The following GNB1L variants were observed in gnomAD, a reference collection of about 807,000 sequenced individuals.
GNB1L encodes the protein G protein subunit beta 1 like.
Under a neutral mutation model 29.1 loss-of-function variants are expected in GNB1L, and 20 were observed. That is an observed-to-expected ratio of 0.69 (90% CI 0.48 to 1.00). The LOEUF (loss-of-function observed/expected upper bound fraction) is 1.00. Ranked by LOEUF, GNB1L falls within the 50% of genes least tolerant of loss-of-function variation. GNB1L has a pLI of 0.00. For missense variants in GNB1L, 421 were observed against 464.9 expected (o/e 0.91, Z 0.87); for synonymous variants, 193 against 206.5 (o/e 0.93, Z 0.56).
Position 19,811,066 on chromosome 22 carries a change from C to T in GNB1L, c.417+1219G>A, listed in dbSNP as rs144781983. ...CTGTGGGTCTGTAGACCTTGGGTCCCGGGGGAGGAAGCACGCCCCTCTTTC... is the reference window on the plus strand; with the variant it reads ...CTGTGGGTCTGTAGACCTTGGGTCCTGGGGGAGGAAGCACGCCCCTCTTTC... On this transcript the variant is annotated intron_variant, in intron 5 of 7. Transcript: ENST00000329517. 1.2e-3 allele frequency among the ~76,000 whole-genome samples: 190 copies of T among 152,276 alleles called. 6 individuals carry two copies. In the East Asian group the frequency reaches 0.026, roughly 21 times the overall value.
chr22:19,813,244 A>G (rs1937513413), intron 4 of GNB1L, among the ~76,000 whole-genome samples: 1 of 152,230 alleles, frequency 6.6e-6, no homozygotes, highest in South Asian at 2.1e-4. Flanking sequence ...AGCAATGACC[A>G]CACCTAACCC....
chr22:19,799,530 G>A (rs758617600), intron 7 of GNB1L, among the ~76,000 whole-genome samples: 18 of 152,222 alleles, frequency 1.2e-4, no homozygotes, highest in Non-Finnish European at 2.2e-4. Flanking sequence ...CCAGGAATGC[G>A]TGGTGCGGCG....
intron 2 of GNB1L, chr22:19,848,319 T>C: frequency 1.0e-6 from 1 of 985,434 alleles, no homozygotes; most frequent in South Asian, 4.7e-5. Flanking sequence ...CCTGCCAGGC[T>C]CTGCAGCTCC....
In GNB1L at chr22:19,816,536, T is replaced by C. The variant is rs1937524880; in HGVS notation, c.254+4062A>G. Among the ~76,000 whole-genome samples the C allele has an allele frequency of 6.6e-6, 1 of 151,954 alleles. No homozygotes were observed. Among genetic ancestry groups the C allele is most frequent in the Non-Finnish European group, 1.5e-5 (1 of 67,964 alleles). On this transcript the variant is annotated intron_variant, in intron 4 of 7. Transcript: ENST00000329517. The surrounding 1 kb of genome is among the most constrained non-coding windows in gnomAD (Gnocchi z 4.4). The stretch of plus-strand genomic sequence containing the variant: ...GGTGTCCACCTGCTCACTGCCAGAG[T>C]GTGCCCCAGCCACCAGGCCCCTCCG...
chr22:19,808,335 G>C (rs1937460307), intron 5 of GNB1L, among the ~76,000 whole-genome samples: 1 of 152,162 alleles, frequency 6.6e-6, no homozygotes, highest in South Asian at 2.1e-4. Flanking sequence ...GACGAAAGGG[G>C]CCCCCGGGGA....
Position 19,820,468 on chromosome 22 carries a change from G to A in GNB1L, c.254+130C>T, listed in dbSNP as rs764556570. The A allele has an allele frequency of 8.9e-5, 90 of 1,008,874 alleles. 1 individual carries two copies. Among genetic ancestry groups the A allele is most frequent in the African/African-American group, 5.7e-4 (35 of 61,934 alleles). The allele number at this position is 1,008,874 out of a possible 1,614,324, so 62.5% of individuals were successfully genotyped here. On this transcript the variant is annotated intron_variant, in intron 4 of 7. Coordinates refer to ENST00000329517, the MANE Select transcript of GNB1L (RefSeq NM_053004.3). ...GACCTGCACACCCTGCCCTTGCTGCGGACCCTTTGCTGGCCCCTTCTGGTT... is the reference window on the plus strand; with the variant it reads ...GACCTGCACACCCTGCCCTTGCTGCAGACCCTTTGCTGGCCCCTTCTGGTT...
chr22:19,806,659 C>T lies in GNB1L; in HGVS notation c.516G>A (p.Gln172=). Residue 172 remains glutamine (Q), a splice_region_variant and synonymous_variant, in exon 6 of 8, where the codon CAG becomes CAA. Transcript: ENST00000329517. ...GTGGCTGGTGCACGCGGGGCCTTAC[C>T]TGCCACAGCCGCAGGCACATGGGCA... ...LGMPMCLRLW[Q]ADCSSRPLLL... is the part of the protein sequence containing the mutation. The T allele has an allele frequency of 6.2e-7, 1 of 1,604,842 alleles. No homozygotes were observed. Among genetic ancestry groups the T allele is most frequent in the East Asian group, 2.2e-5 (1 of 44,804 alleles).
intron 7 of GNB1L, among the ~76,000 whole-genome samples, chr22:19,798,543 T>C (rs1937332943): frequency 6.6e-6 from 1 of 152,140 alleles, no homozygotes; most frequent in South Asian, 2.1e-4. Context: ...CACAGGCGTG[T>C]GGGGAGGTTT....
At chr22:19,797,806 T>G (rs880194) in intron 7 of GNB1L, among the ~76,000 whole-genome samples, 1 of 152,004 alleles carries the variant, frequency 6.6e-6, no homozygotes, top group Non-Finnish European at 1.5e-5. Flanking sequence ...CGGGGCCCCC[T>G]GGTTCACGGA....
Position 19,816,034 on chromosome 22 carries a change from G to A in GNB1L, c.255-3587C>T, listed in dbSNP as rs1937522371. Among the ~76,000 whole-genome samples the A allele has an allele frequency of 1.3e-5, 2 of 152,142 alleles. No individual in the cohort carries two copies. The highest frequency in any genetic ancestry group is 2.1e-4 in the South Asian group (1 of 4,822). ...CCAAGAACTCCACCTTGTCAACACC[G>A]CATCCTGACCAAGGGTGAGCCCCGA... On this transcript the variant is annotated intron_variant, in intron 4 of 7. Transcript: ENST00000329517. The surrounding 1 kb of genome is among the most constrained non-coding windows in gnomAD (Gnocchi z 4.4).
chr22:19,794,686 T>C (rs763130933), intron 7 of GNB1L, among the ~76,000 whole-genome samples: 7 of 152,136 alleles, frequency 4.6e-5, no homozygotes, highest in African/African-American at 7.2e-5. Context: ...AGGCAGAGAT[T>C]GTCAGAAAGC....
chr22:19,823,157 C>T (rs1008132239), intron 2 of GNB1L, among the ~76,000 whole-genome samples: 4 of 152,264 alleles, frequency 2.6e-5, no homozygotes, highest in African/African-American at 9.6e-5. Context: ...GCGGAGTTCC[C>T]TGGGATATCC....
At chr22:19,836,943 T>C (rs1391829583) in intron 2 of GNB1L, among the ~76,000 whole-genome samples, 1 of 152,016 alleles carries the variant, frequency 6.6e-6, no homozygotes, top group Non-Finnish European at 1.5e-5. Flanking sequence ...TCCACAAAAT[T>C]AGAAACCTTT....
chr22:19,811,292 G>A (rs1937497327), intron 5 of GNB1L, among the ~76,000 whole-genome samples: 1 of 152,200 alleles, frequency 6.6e-6, no homozygotes, highest in African/African-American at 2.4e-5. Flanking sequence ...GTCCTGCCCA[G>A]TACCAGCCCC....
chr22:19,812,212 G>A (rs184051512), intron 5 of GNB1L, 73 bp downstream of exon 5: 14 of 1,478,168 alleles, frequency 9.5e-6, no homozygotes, highest in African/African-American at 4.2e-5. Context: ...AGGCGCAGGC[G>A]CCTCCTAATC....
At chr22:19,795,707 T>G (rs1937298668) in intron 7 of GNB1L, among the ~76,000 whole-genome samples, 1 of 152,144 alleles carries the variant, frequency 6.6e-6, no homozygotes, top group African/African-American at 2.4e-5. Context: ...GAAGACACAG[T>G]AAGTCAAAGC....
chr22:19,806,713 C>T lies in GNB1L; in HGVS notation c.462G>A (p.Leu154=), dbSNP rs1264647458. 3 of 1,613,760 alleles carry T rather than the reference C, an allele frequency of 1.9e-6. No homozygotes were observed. The Admixed American group carries it at 5.0e-5, about 27-fold the overall frequency. ...CCAGCTTGGCATCTGCCTTCGGCTT[C>T]AGGGCGCACACTGACGTCTTGGAGG... ...EMPSKTSVCA[L]KPKADAKLGM... Residue 154 remains leucine, a synonymous_variant, in exon 6 of 8, where the codon CTG becomes CTA. Transcript: ENST00000329517.
Position 19,805,771 on chromosome 22 carries a change from G to A in GNB1L, c.516+888C>T, listed in dbSNP as rs189554413. 4.6e-5 allele frequency among the ~76,000 whole-genome samples: 7 copies of A among 151,050 alleles called. No homozygotes were observed. In the East Asian group the frequency reaches 1.4e-3, roughly 30 times the overall value. On this transcript the variant is annotated intron_variant, in intron 6 of 7. Coordinates refer to ENST00000329517, the MANE Select transcript of GNB1L (RefSeq NM_053004.3). ...CACTCCAGCCTGGGTGACAGAGCGA[G>A]ACTCCATCACAAAAAAAAAATAAAT...
At chr22:19,837,081 C>T (rs1223361141) in intron 2 of GNB1L, among the ~76,000 whole-genome samples, 5 of 152,058 alleles carry the variant, frequency 3.3e-5, no homozygotes, top group African/African-American at 1.2e-4. Context: ...ATTCTCCCAC[C>T]TCAGCCTCCT....
Sources: gnomAD v4.1 joint callset for allele counts (sites outside exome capture counted in the v4.1 genomes callset) on GRCh38, gnomAD v4.1.1 for gene constraint, Gnocchi (gnomAD v3.1) non-coding constraint, MANE v1.5 for transcripts, NCBI Gene and HGNC (gene_info 2026-07-23, HGNC 2026-07-21) for gene names.